The following AXIN2 variants were observed in gnomAD, a reference collection of about 807,000 sequenced individuals.
The protein encoded by AXIN2 is axin 2, also known as axin-2.
In AXIN2, 21 loss-of-function variants were observed where a neutral mutation model predicts 74.7. The ratio of observed to expected loss-of-function variants is 0.28; its 90% CI spans 0.20 to 0.40. AXIN2 has a LOEUF of 0.40. AXIN2 is among the 10% of genes least tolerant of loss of function. AXIN2 has a pLI of 1.00. For missense variants in AXIN2, 1,144 were observed against 1,111.1 expected (o/e 1.03, Z -0.42); for synonymous variants, 532 against 454.9 (o/e 1.17, Z -2.16).
chr17:65,538,255 A>G lies in AXIN2; in HGVS notation c.1148T>C (p.Leu383Pro). Residue 383 changes from leucine to proline, a missense_variant, in exon 5 of 11, where the codon CTG becomes CCG. Transcript: ENST00000307078. The stretch of plus-strand genomic sequence containing the variant: ...CAGGCTGTGGCGGCTCTCCAACTCC[A>G]GCTTCAGCTTTTCCAGCCTCGAGAT... ...ELISRLEKLK[L>P]ELESRHSLEE... 2 of 1,614,118 alleles carry G rather than the reference A, an allele frequency of 1.2e-6. No individual in the cohort carries two copies. The highest frequency in any genetic ancestry group is 1.3e-5 in the African/African-American group (1 of 75,040).
At chr17:65,547,562 T>TA (rs1200966897) in intron 3 of AXIN2, among the ~76,000 whole-genome samples, 1 of 152,124 alleles carries the variant, frequency 6.6e-6, no homozygotes, top group Non-Finnish European at 1.5e-5. Context: ...GAACCCAGAA[T>TA]AACACCTCAA....
rs1303253199 is a variant in AXIN2, at chr17:65,558,420, C to G, written c.201G>C (p.Gly67=). 6.2e-7 allele frequency: 1 copy of G among 1,600,594 alleles called. No individual in the cohort carries two copies. Among genetic ancestry groups the G allele is most frequent in the East Asian group, 2.2e-5 (1 of 44,672 alleles). The change falls in exon 2 of 11, where the codon GGG becomes GGC. Residue 67 remains glycine, a synonymous_variant. Transcript: ENST00000307078. ...TCAGAGGGGAATCCGGAGATGCCCG[C>G]CCCTCCGGCTCCCCCAACCCATCTT... ...RNEDGLGEPE[G]RASPDSPLTR... is the part of the protein sequence containing the mutation.
intron 2 of AXIN2, among the ~76,000 whole-genome samples, chr17:65,551,454 C>T (rs1487679398): frequency 6.6e-6 from 1 of 152,070 alleles, no homozygotes; most frequent in Non-Finnish European, 1.5e-5. Flanking sequence ...GGCCAGGAGG[C>T]CAGGGGACAG....
intron 2 of AXIN2, among the ~76,000 whole-genome samples, chr17:65,555,567 C>T (rs780324499): frequency 6.6e-6 from 1 of 152,096 alleles, no homozygotes; most frequent in Non-Finnish European, 1.5e-5. Context: ...TAACACTTTG[C>T]GGCGGTTCAA....
chr17:65,558,798 CAGAT>C, intron 1 of AXIN2, 62 bp from the exon 2 acceptor site: 1 of 641,174 alleles, frequency 1.6e-6, no homozygotes, highest in Non-Finnish European at 2.7e-6. Context: ...TAATCAAAAC[CAGAT>C]CTACCCAACA....
At chr17:65,553,858 G>A (rs920950006) in intron 2 of AXIN2, among the ~76,000 whole-genome samples, 1 of 143,786 alleles carries the variant, frequency 7.0e-6, no homozygotes, top group Admixed American at 6.9e-5. Context: ...GGGGGGGGGG[G>A]GAGGAAACTC....
chr17:65,538,082 CGCGCAT>C (rs751920055), intron 5 of AXIN2, 115 bp downstream of exon 5: 227 of 1,544,532 alleles, frequency 1.5e-4, no homozygotes, highest in South Asian at 3.3e-4. Flanking sequence ...ACGCAGCCCA[CGCGCAT>C]GCGCATGCAA....
Position 65,537,422 on chromosome 17 carries a change from C to G in AXIN2, c.1614G>C (p.Arg538=). 3.1e-6 allele frequency: 5 copies of G among 1,614,012 alleles called. No homozygotes were observed. Among genetic ancestry groups the G allele is most frequent in the Non-Finnish European group, 4.2e-6 (5 of 1,180,016 alleles). ...TGCCCCCAGGGCAGAAGCAGTGCAC[C>G]CGCTGCGTGGCCTCCGCCTCGATCT... The part of the protein sequence containing the change: ...KEEIEAEATQ[R]VHCFCPGGSE... The change falls in exon 6 of 11, where the codon CGG becomes CGC. Residue 538 remains arginine (R), a synonymous_variant. Transcript: ENST00000307078.
intron 3 of AXIN2, among the ~76,000 whole-genome samples, chr17:65,546,401 G>A (rs1044473328): frequency 3.9e-5 from 6 of 152,160 alleles, no homozygotes; most frequent in Non-Finnish European, 2.9e-5. Flanking sequence ...CCGGGTGACC[G>A]CCCGGTGCTG....
At chr17:65,544,995 A>C (rs2044097605) in intron 3 of AXIN2, among the ~76,000 whole-genome samples, 1 of 152,236 alleles carries the variant, frequency 6.6e-6, no homozygotes, top group Admixed American at 6.5e-5. Context: ...AAGTTCACTC[A>C]GATGCATTTC....
chr17:65,549,136 CA>C (rs570553819), intron 3 of AXIN2, among the ~76,000 whole-genome samples: 5 of 152,340 alleles, frequency 3.3e-5, no homozygotes, highest in Admixed American at 1.3e-4. Flanking sequence ...GTTGGTTCTG[CA>C]GACAGGATAC....
rs2144387933 is a variant in AXIN2, at chr17:65,529,586, GA to G, written c.*389del. On this transcript the variant is annotated 3_prime_UTR_variant, in exon 11 of 11. Coordinates refer to ENST00000307078, the MANE Select transcript of AXIN2 (RefSeq NM_004655.4). Reference sequence around the variant, plus strand: ...GCATATCCATAAACTGGGGATGGGGGAAATCAACTGTTCTATAAATATCAGT... The same window carrying G: ...GCATATCCATAAACTGGGGATGGGGGAATCAACTGTTCTATAAATATCAGT... The G allele has an allele frequency of 2.8e-6, 1 of 351,492 alleles. No individual in the cohort carries two copies. The highest frequency in any genetic ancestry group is 4.6e-5 in the East Asian group (1 of 21,666). 21.8% of individuals were successfully genotyped at this position (351,492 alleles called of 1,614,324 possible). A position where few individuals can be genotyped will look rare whatever the true frequency, so the allele number is the denominator to read the frequency against.
chr17:65,534,765 C>T (rs2043879690), intron 9 of AXIN2, among the ~76,000 whole-genome samples: 1 of 152,110 alleles, frequency 6.6e-6, no homozygotes, highest in South Asian at 2.1e-4. Context: ...CCTGTCTCTA[C>T]TAACAATACA....
At chr17:65,560,257 C>T (rs895077141) in intron 1 of AXIN2, 1 of 152,326 alleles carries the variant, frequency 6.6e-6, no homozygotes. Context: ...GGGCCCGGGC[C>T]GGGAGGAGGG....
chr17:65,553,999 T>C (rs149438571), intron 2 of AXIN2, among the ~76,000 whole-genome samples: 194 of 152,278 alleles, frequency 1.3e-3, no homozygotes, highest in African/African-American at 3.9e-3. Context: ...CAGCCTCACA[T>C]CCACAGACCT....
intron 8 of AXIN2, 103 bp downstream of exon 8, chr17:65,536,217 T>G: frequency 2.5e-6 from 3 of 1,223,570 alleles, no homozygotes; most frequent in East Asian, 5.1e-5. Flanking sequence ...ATGGGAGGGT[T>G]TGAGACCCAG....
chr17:65,532,066 A>C (rs1293515390), intron 10 of AXIN2, among the ~76,000 whole-genome samples: 1 of 152,176 alleles, frequency 6.6e-6, no homozygotes, highest in Non-Finnish European at 1.5e-5. Flanking sequence ...GGCCCTGCAG[A>C]GATAAGGCAG....
Position 65,537,423 on chromosome 17 carries a change from C to G in AXIN2, c.1613G>C (p.Arg538Pro), listed in dbSNP as rs1064793764. The G allele has an allele frequency of 1.2e-6, 2 of 1,614,032 alleles. No individual in the cohort carries two copies. Among genetic ancestry groups the G allele is most frequent in the South Asian group, 2.2e-5 (2 of 91,078 alleles). ...GCCCCCAGGGCAGAAGCAGTGCACC[C>G]GCTGCGTGGCCTCCGCCTCGATCTC... Reference protein sequence around the residue: ...KEEIEAEATQRVHCFCPGGSE... With the variant: ...KEEIEAEATQPVHCFCPGGSE... Residue 538 changes from arginine to proline, a missense_variant, in exon 6 of 11, where the codon CGG becomes CCG. Around this residue, in one of 4 missense-constraint regions of AXIN2, gnomAD observed 1,053 missense variants for 973.5 expected, o/e 1.08. Coordinates refer to ENST00000307078, the MANE Select transcript of AXIN2 (RefSeq NM_004655.4).
intron 9 of AXIN2, among the ~76,000 whole-genome samples, chr17:65,534,378 C>T (rs762259106): frequency 6.6e-6 from 1 of 152,230 alleles, no homozygotes; most frequent in South Asian, 2.1e-4. Context: ...ATACGGCGGC[C>T]TCTTTCAGGC....
Sources: allele counts gnomAD v4.1 joint callset (sites outside exome capture counted in the v4.1 genomes callset), GRCh38; gene constraint gnomAD v4.1.1; regional missense constraint gnomAD v4.1.1; transcripts MANE v1.5; gene names NCBI Gene and HGNC (gene_info 2026-07-23, HGNC 2026-07-21).